MAN2A1: variants seen among roughly 807,000 people sequenced by gnomAD.
MAN2A1 encodes mannosidase alpha class 2A member 1, also known as alpha-mannosidase 2.
Under a neutral mutation model 142.6 loss-of-function variants are expected in MAN2A1, and 76 were observed. That is an observed-to-expected ratio of 0.53 (90% CI 0.44 to 0.65). The LOEUF (loss-of-function observed/expected upper bound fraction) is 0.65. MAN2A1 is among the 30% of genes least tolerant of loss of function. The probability of loss-of-function intolerance (pLI) is 0.00; values close to 1 mark genes in which losing one functional copy is unlikely to be tolerated. For synonymous variants in MAN2A1, 559 were observed against 473.2 expected, an observed-to-expected ratio of 1.18 and a Z score of -2.35; for missense variants, 1,311 against 1,365.1, an observed-to-expected ratio of 0.96 and a Z score of 0.62.
chr5:109,831,503 A>G (rs540203521), intron 16 of MAN2A1, among the ~76,000 whole-genome samples: 2 of 152,346 alleles, frequency 1.3e-5, no homozygotes, highest in East Asian at 1.9e-4. Flanking sequence ...TGTCCCTTAT[A>G]TATTTTTTAA....
At chr5:109,812,505 A>C (rs951007006) in intron 12 of MAN2A1, among the ~76,000 whole-genome samples, 1 of 152,182 alleles carries the variant, frequency 6.6e-6, no homozygotes, top group Non-Finnish European at 1.5e-5. Flanking sequence ...TTCCATATTC[A>C]GAATACTGTA....
chr5:109,733,369 A>T (rs533713993), intron 4 of MAN2A1, among the ~76,000 whole-genome samples: 3 of 152,068 alleles, frequency 2.0e-5, no homozygotes, highest in Non-Finnish European at 2.9e-5. Context: ...TCTCCTGCCT[A>T]ATTTCCCTGG....
chr5:109,834,192 T>A (rs1478110629), intron 16 of MAN2A1, among the ~76,000 whole-genome samples: 2 of 152,108 alleles, frequency 1.3e-5, no homozygotes, highest in East Asian at 3.9e-4. Flanking sequence ...GATGTGCAGA[T>A]CAAATATCAT....
At chr5:109,854,744 A>G (rs1755563545) in intron 19 of MAN2A1, 1 of 155,710 alleles carries the variant, frequency 6.4e-6, no homozygotes, top group South Asian at 2.1e-4. Flanking sequence ...GGTGGATGAA[A>G]CCTGAGAAGG....
At position 109,781,430 on chromosome 5, in the gene MAN2A1, C is replaced by A. The variant is rs764317245; in HGVS notation, c.1409C>A (p.Ala470Glu). Residue 470 changes from alanine (A) to glutamate (E), a missense_variant, in exon 9 of 22, where the codon GCG (alanine) becomes GAG (glutamate). Coordinates refer to ENST00000261483, the MANE Select transcript of MAN2A1 (RefSeq NM_002372.4). ...GGAACTTTATCAGATTTTTTTGATG[C>A]GCTGGATAAAGCAGATGAAACTCAG... ...QFGTLSDFFD[A>E]LDKADETQRD... 1 of 1,606,756 alleles carries A rather than the reference C, an allele frequency of 6.2e-7. No homozygotes were observed. Among genetic ancestry groups the A allele is most frequent in the African/African-American group, 1.3e-5 (1 of 74,492 alleles).
chr5:109,701,711 C>T (rs1321685843), intron 1 of MAN2A1, among the ~76,000 whole-genome samples: 2 of 152,162 alleles, frequency 1.3e-5, no homozygotes, highest in African/African-American at 4.8e-5. Flanking sequence ...TGGCTAGAAT[C>T]GGGAGGATGA....
chr5:109,698,364 T>G (rs1428952777), intron 1 of MAN2A1, among the ~76,000 whole-genome samples: 1 of 152,234 alleles, frequency 6.6e-6, no homozygotes, highest in Non-Finnish European at 1.5e-5. Context: ...TTCTTCACTT[T>G]TAAAGATTAT....
chr5:109,740,170 TACA>T (rs903615533), intron 4 of MAN2A1, among the ~76,000 whole-genome samples: 1 of 152,188 alleles, frequency 6.6e-6, no homozygotes, highest in East Asian at 1.9e-4. Flanking sequence ...GATAGGAACT[TACA>T]ACGTCTCCTT....
chr5:109,708,271 T>C (rs1751194679), intron 1 of MAN2A1, among the ~76,000 whole-genome samples: 1 of 152,094 alleles, frequency 6.6e-6, no homozygotes, highest in African/African-American at 2.4e-5. Flanking sequence ...GCAGAGTGCT[T>C]TTCATCAGGC....
chr5:109,711,553 T>C (rs1751301626), intron 1 of MAN2A1, among the ~76,000 whole-genome samples: 1 of 152,232 alleles, frequency 6.6e-6, no homozygotes, highest in Admixed American at 6.5e-5. Context: ...CCAATGTTGA[T>C]GTGCACTTAC....
At position 109,867,284 on chromosome 5, in the gene MAN2A1, T is replaced by G. The variant is rs1406088671; in HGVS notation, c.*286T>G. On this transcript the variant is annotated 3_prime_UTR_variant, in exon 22 of 22. Transcript: ENST00000261483. ...TGAAGAAATATTTAAAGACAGCCTC[T>G]CAACAGATTGTATCTCAGGTTAAAT... The G allele has an allele frequency of 1.9e-5, 4 of 210,452 alleles. No individual in the cohort carries two copies. Among genetic ancestry groups the G allele is most frequent in the Non-Finnish European group, 3.7e-5 (4 of 106,792 alleles). 13.0% of individuals were successfully genotyped at this position (210,452 alleles called of 1,614,324 possible).
In MAN2A1 at chr5:109,812,470, C is replaced by T. The variant is rs1201840438; in HGVS notation, c.1944-4803C>T. Among the ~76,000 whole-genome samples the T allele has an allele frequency of 2.6e-5, 4 of 152,182 alleles. No individual in the cohort carries two copies. The East Asian group carries it at 7.7e-4, about 29-fold the overall frequency. ...AGAACTTCAAATCTAGATATTGCAA[C>T]TTCTGTTAACATGTAAATTCATGTT... On this transcript the variant is annotated intron_variant, in intron 12 of 21. Transcript: ENST00000261483.
chr5:109,715,995 A>G lies in MAN2A1; in HGVS notation c.391-125A>G, dbSNP rs948383010. On this transcript the variant is annotated intron_variant, in intron 2 of 21. Coordinates refer to ENST00000261483, the MANE Select transcript of MAN2A1 (RefSeq NM_002372.4). ...TTCTACTCTAAACTCCTCAATGTCT[A>G]CAGAAATAGTTTTATTTTATAAAAT... 85 of 585,856 alleles carry G rather than the reference A, an allele frequency of 1.5e-4. No homozygotes were observed. In the Middle Eastern group the frequency reaches 5.3e-3, roughly 36 times the overall value. 36.3% of individuals were successfully genotyped at this position (585,856 alleles called of 1,614,324 possible).
chr5:109,722,288 T>C (rs1261382888), intron 3 of MAN2A1, among the ~76,000 whole-genome samples: 2 of 152,238 alleles, frequency 1.3e-5, no homozygotes, highest in African/African-American at 2.4e-5. Flanking sequence ...TGATTTATCT[T>C]AATTGAAATG....
chr5:109,761,542 A>G (rs749301136), intron 5 of MAN2A1, among the ~76,000 whole-genome samples: 2 of 152,078 alleles, frequency 1.3e-5, no homozygotes, highest in Non-Finnish European at 2.9e-5. Flanking sequence ...ACTTCCTGGA[A>G]TAAATCCCTT....
intron 4 of MAN2A1, among the ~76,000 whole-genome samples, chr5:109,748,501 G>A (rs984971726): frequency 7.9e-5 from 12 of 151,192 alleles, no homozygotes; most frequent in African/African-American, 2.2e-4. Context: ...TGATTCCTGC[G>A]CTCATGGTAC....
At chr5:109,772,796 C>G (rs1753185281) in intron 7 of MAN2A1, among the ~76,000 whole-genome samples, 1 of 152,078 alleles carries the variant, frequency 6.6e-6, no homozygotes, top group Non-Finnish European at 1.5e-5. Context: ...AGGTATGAGC[C>G]ACCATGCCTA....
In MAN2A1 at chr5:109,713,585, G is replaced by A; in HGVS notation, c.201G>A (p.Glu67=). ...HLERLLAENN[E]IISNIRDSVI... is the part of the protein sequence containing the mutation. ...AGCGTTTGCTAGCTGAGAATAATGA[G>A]ATCATCTCAAATATTAGAGACTCAG... Residue 67 remains glutamate (E), a synonymous_variant, in exon 2 of 22, where the codon GAG becomes GAA. Transcript: ENST00000261483. 6.2e-7 allele frequency: 1 copy of A among 1,613,820 alleles called. No homozygotes were observed. The highest frequency in any genetic ancestry group is 1.3e-5 in the African/African-American group (1 of 75,036).
At chr5:109,820,549 C>T (rs1471622495) in intron 15 of MAN2A1, among the ~76,000 whole-genome samples, 1 of 152,146 alleles carries the variant, frequency 6.6e-6, no homozygotes, top group Non-Finnish European at 1.5e-5. Flanking sequence ...TGGCTCACAC[C>T]TGTAATCCCA....
Sources: allele counts gnomAD v4.1 joint callset (sites outside exome capture counted in the v4.1 genomes callset), GRCh38; gene constraint gnomAD v4.1.1; transcripts MANE v1.5; gene names NCBI Gene and HGNC (gene_info 2026-07-23, HGNC 2026-07-21).